Variants in SLAIN2 observed in about 807,000 individuals in gnomAD.
The protein encoded by SLAIN2 is SLAIN motif-containing protein 2.
Under a neutral mutation model 56.6 loss-of-function variants are expected in SLAIN2, and 31 were observed. The observed-to-expected ratio is 0.55, with a 90% CI of 0.41 to 0.74. The LOEUF (loss-of-function observed/expected upper bound fraction) is 0.74, where lower values mean the gene tolerates loss of function less well. Ranked by LOEUF, SLAIN2 falls within the 30% of genes least tolerant of loss-of-function variation. SLAIN2 has a pLI of 0.00. For synonymous variants in SLAIN2, 317 were observed against 284.9 expected (o/e 1.11, Z -1.13); for missense variants, 777 against 754.2 (o/e 1.03, Z -0.35).
chr4:48,381,340 C>G (rs1715966040), intron 4 of SLAIN2, among the ~76,000 whole-genome samples: 2 of 151,848 alleles, frequency 1.3e-5, no homozygotes, highest in South Asian at 4.1e-4. Context: ...TGTGATACTT[C>G]TTGAAAACTA....
chr4:48,368,051 CTTTTT>C lies in SLAIN2; in HGVS notation c.390-1789_390-1785del, dbSNP rs36096623. On this transcript the variant is annotated intron_variant, in intron 1 of 7. Transcript: ENST00000264313. Reference sequence around the variant, plus strand: ...TTCACTGAACGTAGTGTTTTTGAGGCTTTTTTTTTTTTTGACAGTGTTGCTCTGTT... The same window carrying C: ...TTCACTGAACGTAGTGTTTTTGAGGCTTTTTTTTGACAGTGTTGCTCTGTT... 1.4e-4 allele frequency among the ~76,000 whole-genome samples: 12 copies of C among 88,818 alleles called. 1 individual carries two copies. The East Asian group carries it at 4.8e-3, about 36-fold the overall frequency. The allele number at this position is 88,818 out of a possible 152,430, so 58.3% of individuals were successfully genotyped here.
At chr4:48,393,768 C>T (rs1228422215) in intron 6 of SLAIN2, among the ~76,000 whole-genome samples, 2 of 151,922 alleles carry the variant, frequency 1.3e-5, no homozygotes, top group Non-Finnish European at 2.9e-5. Context: ...TCTGTCAGAG[C>T]CATAGTAACT....
At chr4:48,349,972 A>C (rs1025083726) in intron 1 of SLAIN2, among the ~76,000 whole-genome samples, 3 of 152,214 alleles carry the variant, frequency 2.0e-5, no homozygotes, top group Non-Finnish European at 4.4e-5. Context: ...GGCAAAAAAA[A>C]CATTTATTGA....
At chr4:48,345,014 G>A (rs1435015317) in intron 1 of SLAIN2, among the ~76,000 whole-genome samples, 1 of 152,164 alleles carries the variant, frequency 6.6e-6, no homozygotes, top group African/African-American at 2.4e-5. Flanking sequence ...GTGCCAGGCA[G>A]CTTATAAATA....
At chr4:48,407,005 C>T (rs1221258794) in intron 6 of SLAIN2, among the ~76,000 whole-genome samples, 5 of 152,048 alleles carry the variant, frequency 3.3e-5, no homozygotes, top group South Asian at 2.1e-4. Flanking sequence ...TTCCCAGATT[C>T]GGGGTATGTT....
At chr4:48,389,386 C>G (rs1202726332) in intron 6 of SLAIN2, among the ~76,000 whole-genome samples, 1 of 152,150 alleles carries the variant, frequency 6.6e-6, no homozygotes, top group Non-Finnish European at 1.5e-5. Context: ...ACCTTGAATG[C>G]TTAGTATAGA....
intron 1 of SLAIN2, among the ~76,000 whole-genome samples, chr4:48,367,839 G>T (rs1715558863): frequency 6.6e-6 from 1 of 151,938 alleles, no homozygotes; most frequent in Non-Finnish European, 1.5e-5. Context: ...TGAATTTAGT[G>T]TATTTACAAT....
intron 6 of SLAIN2, among the ~76,000 whole-genome samples, chr4:48,395,742 G>A (rs184925898): frequency 6.9e-4 from 104 of 151,254 alleles, no homozygotes; most frequent in Admixed American, 1.7e-3. Context: ...TGTTTGATGG[G>A]AAAGGAGGTG....
chr4:48,363,923 G>A (rs1434967359), intron 1 of SLAIN2, among the ~76,000 whole-genome samples: 6 of 131,640 alleles, frequency 4.6e-5, no homozygotes, highest in East Asian at 2.2e-4. Flanking sequence ...CAGGCGGGGG[G>A]CTGACCCCCC....
chr4:48,353,213 T>G (rs1471974277), intron 1 of SLAIN2, among the ~76,000 whole-genome samples: 4 of 152,210 alleles, frequency 2.6e-5, no homozygotes, highest in Non-Finnish European at 5.9e-5. Flanking sequence ...TGGGCACTAC[T>G]TGAGAGTCAA....
At chr4:48,401,852 C>T (rs1044106746) in intron 6 of SLAIN2, among the ~76,000 whole-genome samples, 12 of 152,174 alleles carry the variant, frequency 7.9e-5, no homozygotes, top group Non-Finnish European at 1.6e-4. Context: ...TATGTGGTTA[C>T]TTTACAGGAT....
At chr4:48,342,356 T>C (rs1714736183) in intron 1 of SLAIN2, among the ~76,000 whole-genome samples, 1 of 152,214 alleles carries the variant, frequency 6.6e-6, no homozygotes, top group Admixed American at 6.5e-5. Flanking sequence ...ATTGTGGACC[T>C]TCTGAGTGCT....
At chr4:48,382,117 C>A (rs1411310755) in intron 4 of SLAIN2, among the ~76,000 whole-genome samples, 3 of 152,128 alleles carry the variant, frequency 2.0e-5, no homozygotes, top group Non-Finnish European at 4.4e-5. Context: ...GGTACTTTAT[C>A]ATCTTCATGA....
At position 48,369,903 on chromosome 4, in the gene SLAIN2, A is replaced by G. The variant is rs371014121; in HGVS notation, c.444A>G (p.Pro148=). The G allele has an allele frequency of 1.9e-5, 30 of 1,613,660 alleles. No homozygotes were observed. The African/African-American group carries it at 3.2e-4, about 17-fold the overall frequency. The change falls in exon 2 of 8, where the codon CCA becomes CCG. Residue 148 remains proline, a synonymous_variant. Transcript: ENST00000264313. The stretch of plus-strand genomic sequence containing the variant: ...CACCAATGCAGAAATCGGTTAGTCC[A>G]TTAGTTTGGTGCAGGCAAGTTTTGG... The part of the protein sequence containing the change: ...KLTPMQKSVS[P]LVWCRQVLDY...
chr4:48,356,912 A>G (rs1279615975), intron 1 of SLAIN2, among the ~76,000 whole-genome samples: 3 of 152,098 alleles, frequency 2.0e-5, no homozygotes, highest in East Asian at 3.9e-4. Context: ...CTTGCTTTGC[A>G]CTGTTTTTTG....
At chr4:48,360,293 G>A (rs150336473) in intron 1 of SLAIN2, among the ~76,000 whole-genome samples, 432 of 152,028 alleles carry the variant, frequency 2.8e-3, no homozygotes, top group Non-Finnish European at 4.3e-3. Context: ...AAATGCACAC[G>A]TTTAAAGTGT....
At chr4:48,347,495 T>G (rs1479921153) in intron 1 of SLAIN2, among the ~76,000 whole-genome samples, 1 of 152,186 alleles carries the variant, frequency 6.6e-6, no homozygotes, top group Non-Finnish European at 1.5e-5. Context: ...GTGATCCACC[T>G]GCTTCACCCT....
chr4:48,344,731 A>G (rs554604745), intron 1 of SLAIN2, among the ~76,000 whole-genome samples: 11 of 152,098 alleles, frequency 7.2e-5, no homozygotes, highest in Middle Eastern at 3.4e-3. Context: ...TAAGAAATAC[A>G]TTTTAACTCA....
chr4:48,385,193 A>C (rs1344503728), intron 6 of SLAIN2, among the ~76,000 whole-genome samples: 1 of 152,218 alleles, frequency 6.6e-6, no homozygotes, highest in Non-Finnish European at 1.5e-5. Context: ...GTACAAGTTG[A>C]TTTTAAAGGA....
Sources: gnomAD v4.1 joint callset for allele counts (sites outside exome capture counted in the v4.1 genomes callset) on GRCh38, gnomAD v4.1.1 for gene constraint, MANE v1.5 for transcripts, NCBI Gene and HGNC (gene_info 2026-07-23, HGNC 2026-07-21) for gene names.